The following SLC25A48 variants were observed in gnomAD, a reference collection of about 807,000 sequenced individuals.
The protein encoded by SLC25A48 is solute carrier family 25 member 48.
In SLC25A48, 29 loss-of-function variants were observed where a neutral mutation model predicts 32.2. The ratio of observed to expected loss-of-function variants is 0.90; its 90% CI spans 0.67 to 1.23. The LOEUF (loss-of-function observed/expected upper bound fraction) is 1.23. SLC25A48 is among the 50% of genes most tolerant of loss of function. The pLI is 0.00. For missense variants in SLC25A48, 399 were observed against 422.7 expected, an observed-to-expected ratio of 0.94 and a Z score of 0.49; for synonymous variants, 164 against 172.3, an observed-to-expected ratio of 0.95 and a Z score of 0.38.
Position 135,780,751 on chromosome 5 carries a change from G to A in SLC25A48, c.-520-31772G>A, listed in dbSNP as rs12659602. On this transcript the variant is annotated intron_variant, in intron 3 of 10. Coordinates refer to the SLC25A48 transcript ENST00000646290. ...GATATTATACCCAAAATTGCAGGGG[G>A]TGAATACACCCTCTGTGATATTTTC... 2.3e-4 allele frequency among the ~76,000 whole-genome samples: 26 copies of A among 113,602 alleles called. 6 individuals are homozygous for A. Among genetic ancestry groups the A allele is most frequent in the Admixed American group, 2.7e-4 (3 of 10,944 alleles). The allele number at this position is 113,602 out of a possible 152,430, so 74.5% of individuals were successfully genotyped here. A position where few individuals can be genotyped will look rare whatever the true frequency, so the allele number is the denominator to read the frequency against.
chr5:135,587,321 C>T (rs1309265408), intron 1 of SLC25A48, among the ~76,000 whole-genome samples: 1 of 152,218 alleles, frequency 6.6e-6, no homozygotes, highest in Non-Finnish European at 1.5e-5. Flanking sequence ...GTGTGAGCCA[C>T]CATGCCCTGT....
intron 3 of SLC25A48, among the ~76,000 whole-genome samples, chr5:135,767,464 G>A (rs1277551502): frequency 6.6e-6 from 1 of 151,770 alleles, no homozygotes; most frequent in Non-Finnish European, 1.5e-5. Context: ...CTGATATCGT[G>A]GGGAGTGTAC....
At chr5:135,762,827 T>C (rs1274233758) in intron 3 of SLC25A48, among the ~76,000 whole-genome samples, 1 of 135,136 alleles carries the variant, frequency 7.4e-6, no homozygotes, top group Non-Finnish European at 1.6e-5. Flanking sequence ...TGAGTGTGGA[T>C]GTGTGAGTTT....
intron 4 of SLC25A48, among the ~76,000 whole-genome samples, chr5:135,820,503 A>G (rs1280544108): frequency 6.6e-6 from 1 of 152,186 alleles, no homozygotes; most frequent in African/African-American, 2.4e-5. Context: ...GGTGTATATA[A>G]ATTAGACCTC....
rs766443079 is a variant in SLC25A48, at chr5:135,842,455, T to C, written c.86T>C (p.Val29Ala). The change falls in exon 2 of 8, where the codon GTC becomes GCC. Residue 29 changes from valine to alanine, a missense_variant. Transcript: ENST00000681962. ...ATCGTTGGCCACCCTCTGGACACAGTCAAGGTACAGTAGCCATGTTTCCCA... is the reference window on the plus strand; with the variant it reads ...ATCGTTGGCCACCCTCTGGACACAGCCAAGGTACAGTAGCCATGTTTCCCA... ...SVIVGHPLDT[V>A]KTRLQAGVGY... 1.2e-6 allele frequency: 2 copies of C among 1,613,670 alleles called. No individual in the cohort carries two copies. The highest frequency in any genetic ancestry group is 8.5e-7 in the Non-Finnish European group (1 of 1,179,582).
At chr5:135,855,626 C>T (rs1271483596) in intron 4 of SLC25A48, among the ~76,000 whole-genome samples, 9 of 152,212 alleles carry the variant, frequency 5.9e-5, no homozygotes, top group Non-Finnish European at 1.2e-4. Context: ...GCTAAGGCCC[C>T]TTGTTCAAAA....
chr5:135,756,288 C>T (rs1298408806), intron 3 of SLC25A48, among the ~76,000 whole-genome samples: 1 of 130,518 alleles, frequency 7.7e-6, no homozygotes, highest in Admixed American at 7.8e-5. Context: ...AGAAAAATAT[C>T]ATCTTTGTGA....
At chr5:135,844,329 C>T (rs1012951485) in intron 2 of SLC25A48, among the ~76,000 whole-genome samples, 8 of 152,212 alleles carry the variant, frequency 5.3e-5, no homozygotes, top group African/African-American at 1.7e-4. Context: ...TTGGAAGACT[C>T]AGATGCACTC....
rs561615935 is a variant in SLC25A48, at chr5:135,814,314, G to T, written c.-117+1388G>T. ...AGTTTGGTCACAGTCCAGCCCTTCTGCCTCTTGCAGACAGCCTACTCTGAT... is the reference window on the plus strand; with the variant it reads ...AGTTTGGTCACAGTCCAGCCCTTCTTCCTCTTGCAGACAGCCTACTCTGAT... On this transcript the variant is annotated intron_variant, in intron 4 of 10. Coordinates refer to the SLC25A48 transcript ENST00000646290. Among the ~76,000 whole-genome samples the T allele has an allele frequency of 2.0e-5, 3 of 152,236 alleles. No homozygotes were observed. In the South Asian group the frequency reaches 6.2e-4, roughly 32 times the overall value.
At chr5:135,886,637 A>AT (rs55911526) in intron 7 of SLC25A48, among the ~76,000 whole-genome samples, 1,426 of 38,238 alleles carry the variant, frequency 0.037, 197 homozygotes, top group Middle Eastern at 0.049. Flanking sequence ...ATATATATAT[A>AT]AAATATATAT....
In SLC25A48 at chr5:135,616,244, C is replaced by T. The variant is rs534910280; in HGVS notation, c.-848-12993C>T. Among the ~76,000 whole-genome samples, 42 of 152,220 alleles carry T rather than the reference C, an allele frequency of 2.8e-4. No homozygotes were observed. In the East Asian group the frequency reaches 5.4e-3, roughly 20 times the overall value. Reference sequence around the variant, plus strand: ...AGTGGGGCTGTGAAAGGAGTTTCACCGCCCTCCAGACCCCAGAATGGAAGC... The same window carrying T: ...AGTGGGGCTGTGAAAGGAGTTTCACTGCCCTCCAGACCCCAGAATGGAAGC... On this transcript the variant is annotated intron_variant, in intron 1 of 10. Coordinates refer to the SLC25A48 transcript ENST00000646290.
At chr5:135,740,570 G>C (rs1044153606) in intron 3 of SLC25A48, among the ~76,000 whole-genome samples, 2 of 152,202 alleles carry the variant, frequency 1.3e-5, no homozygotes, top group African/African-American at 2.4e-5. Flanking sequence ...CCTTGACCCT[G>C]AAAACAGGAC....
chr5:135,694,411 G>A (rs554308086), intron 3 of SLC25A48, among the ~76,000 whole-genome samples: 26 of 152,164 alleles, frequency 1.7e-4, no homozygotes, highest in African/African-American at 6.0e-4. Flanking sequence ...AAATATCTAA[G>A]CATCCTTTAT....
At chr5:135,675,748 G>A (rs1029035201) in intron 3 of SLC25A48, among the ~76,000 whole-genome samples, 1 of 151,960 alleles carries the variant, frequency 6.6e-6, no homozygotes, top group African/African-American at 2.4e-5. Context: ...AGTGACATTT[G>A]TATTTTGATA....
intron 1 of SLC25A48, among the ~76,000 whole-genome samples, chr5:135,836,756 G>A (rs1003790401): frequency 6.6e-6 from 1 of 152,122 alleles, no homozygotes; most frequent in Admixed American, 6.5e-5. Context: ...ACCCCAAAGA[G>A]GTAGGTACCG....
At chr5:135,652,101 T>C (rs887681128) in intron 3 of SLC25A48, among the ~76,000 whole-genome samples, 1 of 152,120 alleles carries the variant, frequency 6.6e-6, no homozygotes, top group Non-Finnish European at 1.5e-5. Context: ...AGAAGCCAAG[T>C]TGGCAGGGAT....
chr5:135,660,858 GC>G (rs1376437948), intron 3 of SLC25A48, among the ~76,000 whole-genome samples: 5 of 152,220 alleles, frequency 3.3e-5, no homozygotes, highest in African/African-American at 9.6e-5. Context: ...CTGGTCCACA[GC>G]CCACACTCTG....
At chr5:135,772,057 C>T (rs1756427699) in intron 3 of SLC25A48, among the ~76,000 whole-genome samples, 1 of 151,236 alleles carries the variant, frequency 6.6e-6, no homozygotes, top group South Asian at 2.1e-4. Flanking sequence ...TGGTATTACT[C>T]CCAATATCAC....
chr5:135,703,015 G>A (rs776015787), intron 3 of SLC25A48, among the ~76,000 whole-genome samples: 10 of 152,166 alleles, frequency 6.6e-5, no homozygotes, highest in East Asian at 1.9e-4. Context: ...TCTCATCAGC[G>A]CTGGAAAATA....
Sources: gnomAD v4.1 joint callset for allele counts (sites outside exome capture counted in the v4.1 genomes callset) on GRCh38, gnomAD v4.1.1 for gene constraint, MANE v1.5 for transcripts, NCBI Gene and HGNC (gene_info 2026-07-23, HGNC 2026-07-21) for gene names.